Variants in RBPJ observed in about 807,000 individuals in gnomAD.
RBPJ encodes recombining binding protein suppressor of hairless.
Under a neutral mutation model 67.8 loss-of-function variants are expected in RBPJ, and 9 were observed. That is an observed-to-expected ratio of 0.13 (90% CI 0.08 to 0.23). The LOEUF is 0.23. RBPJ is among the 10% of genes least tolerant of loss of function. The pLI is 1.00. For missense variants in RBPJ, 305 were observed against 595.6 expected (o/e 0.51, Z 5.08); for synonymous variants, 198 against 203.3 (o/e 0.97, Z 0.22).
chr4:26,109,487 TATATACACACACAC>T, the RBPJ span, among the ~76,000 whole-genome samples: 5 of 60,396 alleles, frequency 8.3e-5, no homozygotes, highest in South Asian at 5.7e-4. Flanking sequence ...TATATATATA[TATATACACACACAC>T]ATATATATAT....
At chr4:26,314,107 G>C (rs1305203722) in intron 1 of RBPJ, among the ~76,000 whole-genome samples, 1 of 152,078 alleles carries the variant, frequency 6.6e-6, no homozygotes, top group East Asian at 1.9e-4. Context: ...TCCTTCCAGA[G>C]ACATTTTAGA....
At chr4:26,360,798 T>G (rs888742862) in intron 1 of RBPJ, among the ~76,000 whole-genome samples, 3 of 150,962 alleles carry the variant, frequency 2.0e-5, no homozygotes, top group Non-Finnish European at 4.4e-5. Context: ...TTAGTAGAGA[T>G]AGGGTTTCAC....
chr4:26,261,669 G>A (rs1487293328), intron 1 of RBPJ, among the ~76,000 whole-genome samples: 2 of 152,210 alleles, frequency 1.3e-5, no homozygotes, highest in African/African-American at 4.8e-5. Flanking sequence ...GTGGAATATT[G>A]TATTATACTT....
intron 1 of RBPJ, among the ~76,000 whole-genome samples, chr4:26,285,919 G>C (rs925326163): frequency 6.7e-6 from 1 of 150,290 alleles, no homozygotes; most frequent in Non-Finnish European, 1.5e-5. Flanking sequence ...AGACCAGCCT[G>C]GGCAACATAG....
intron 1 of RBPJ, chr4:26,359,827 A>G (rs1251040402): frequency 6.6e-6 from 1 of 152,226 alleles, no homozygotes; most frequent in East Asian, 1.9e-4. Flanking sequence ...AGATTATTAT[A>G]TGAGGCTGTT....
intron 1 of RBPJ, among the ~76,000 whole-genome samples, chr4:26,231,277 T>C (rs1428806512): frequency 6.6e-6 from 1 of 152,260 alleles, no homozygotes; most frequent in Non-Finnish European, 1.5e-5. Flanking sequence ...TAGCTTGAAC[T>C]GCTATCTGCA....
chr4:26,401,887 C>CTTTTTTTTTTTT (rs58935903), intron 2 of RBPJ, among the ~76,000 whole-genome samples: 1 of 129,726 alleles, frequency 7.7e-6, no homozygotes, highest in Non-Finnish European at 1.7e-5. Flanking sequence ...TTCTTTCTTT[C>CTTTTTTTTTTTT]TTTTTTTTTT....
chr4:26,403,492 C>T (rs1382028468), intron 2 of RBPJ, among the ~76,000 whole-genome samples: 1 of 152,064 alleles, frequency 6.6e-6, no homozygotes, highest in South Asian at 2.1e-4. Flanking sequence ...AGGTATTACG[C>T]CCAGTACCCA....
At chr4:26,396,438 A>C (rs945245125) in intron 2 of RBPJ, among the ~76,000 whole-genome samples, 2 of 152,272 alleles carry the variant, frequency 1.3e-5, no homozygotes, top group African/African-American at 4.8e-5. Flanking sequence ...AACCAGGATT[A>C]GAAATAGAAG....
chr4:26,320,835 A>T (rs756852858), upstream of RBPJ: 1 of 1,563,654 alleles, frequency 6.4e-7, no homozygotes, highest in South Asian at 1.2e-5. Flanking sequence ...CAGGGAAGGC[A>T]GCGAGCAGGA....
chr4:26,430,080 T>G lies in RBPJ; in HGVS notation c.1044+27T>G. Reference sequence around the variant, plus strand: ...TGAGAACGCCTAGTCCAAGTTGGCCTTCAGCTCTTTGCAGCTACTCTCAGC... The same window carrying G: ...TGAGAACGCCTAGTCCAAGTTGGCCGTCAGCTCTTTGCAGCTACTCTCAGC... On this transcript the variant is annotated intron_variant, in intron 9 of 10. Coordinates refer to ENST00000355476, the MANE Select transcript of RBPJ (RefSeq NM_015874.6). This position sits in a 1 kb window ranked among gnomAD's most constrained non-coding sequence, Gnocchi z 4.1. 5.0e-6 allele frequency: 8 copies of G among 1,613,102 alleles called. No individual in the cohort carries two copies. Among genetic ancestry groups the G allele is most frequent in the Non-Finnish European group, 6.8e-6 (8 of 1,179,372 alleles).
intron 2 of RBPJ, among the ~76,000 whole-genome samples, chr4:26,399,728 C>G (rs1470084877): frequency 1.3e-5 from 2 of 152,002 alleles, no homozygotes. Context: ...GTCTGTCGCT[C>G]AGGCTGGAGT....
rs1268909946 is a variant in RBPJ at position 26,198,261 on chromosome 4, CAA to C, written c.-167+34653_-167+34654del. Among the ~76,000 whole-genome samples the C allele has an allele frequency of 2.5e-4, 5 of 19,698 alleles. No individual in the cohort carries two copies. In the African/African-American group the frequency reaches 2.7e-3, roughly 11 times the overall value. The allele number at this position is 19,698 out of a possible 152,430, so 12.9% of individuals were successfully genotyped here. On this transcript the variant is annotated intron_variant, in intron 1 of 4. Coordinates refer to the RBPJ transcript ENST00000512351. Reference sequence around the variant, plus strand: ...AAGAGCGAAACTCCATCTCAAAAAACAAAAAAACAAAAAAACAAAAAAACAAA... The same window carrying C: ...AAGAGCGAAACTCCATCTCAAAAAACAAAAACAAAAAAACAAAAAAACAAA...
chr4:26,424,518 A>G lies in RBPJ; in HGVS notation c.634+39A>G. The G allele has an allele frequency of 6.2e-7, 1 of 1,602,718 alleles. No homozygotes were observed. The highest frequency in any genetic ancestry group is 8.5e-7 in the Non-Finnish European group (1 of 1,172,478). On this transcript the variant is annotated intron_variant, in intron 6 of 10. Transcript: ENST00000355476. The surrounding 1 kb of genome is among the most constrained non-coding windows in gnomAD (Gnocchi z 5.3). Reference sequence around the variant, plus strand: ...TGTGCATTTAATGTTTTTAGTGTGAAATTGTTAAAATCTTTTGATGAGATA... The same window carrying G: ...TGTGCATTTAATGTTTTTAGTGTGAGATTGTTAAAATCTTTTGATGAGATA...
chr4:26,415,539 A>C lies in RBPJ; in HGVS notation c.220A>C (p.Met74Leu), dbSNP rs199742986. The C allele has an allele frequency of 2.8e-5, 45 of 1,613,522 alleles. No homozygotes were observed. The highest frequency in any genetic ancestry group is 1.7e-6 in the Non-Finnish European group (2 of 1,179,658). ...GSGWKKKKEQMERDGCSEQES... is the reference protein window; with the variant it reads ...GSGWKKKKEQLERDGCSEQES... Reference sequence around the variant, plus strand: ...TGGATGGAAGAAAAAAAAAGAACAAATGGAACGCGATGGTTGTTCTGAACA... The same window carrying C: ...TGGATGGAAGAAAAAAAAAGAACAACTGGAACGCGATGGTTGTTCTGAACA... Residue 74 changes from methionine to leucine, a missense_variant, in exon 4 of 11, where the codon ATG becomes CTG. Met to Leu is a conservative substitution (Grantham distance 15, BLOSUM62 2). Around this residue, in one of 7 missense-constraint regions of RBPJ, gnomAD observed 79 missense variants for 106.2 expected, o/e 0.74. Coordinates refer to ENST00000355476, the MANE Select transcript of RBPJ (RefSeq NM_015874.6).
At chr4:26,366,993 A>G (rs1728700039) in intron 1 of RBPJ, among the ~76,000 whole-genome samples, 1 of 151,634 alleles carries the variant, frequency 6.6e-6, no homozygotes, top group Non-Finnish European at 1.5e-5. Context: ...GCATGGTGGC[A>G]GGCGCCTGTA....
intron 1 of RBPJ, among the ~76,000 whole-genome samples, chr4:26,177,502 G>C (rs146437955): frequency 6.6e-6 from 1 of 152,048 alleles, no homozygotes; most frequent in Non-Finnish European, 1.5e-5. Flanking sequence ...GCTTGAACCC[G>C]AGAGGTGGAG....
chr4:26,180,343 A>G (rs973018439), intron 1 of RBPJ, among the ~76,000 whole-genome samples: 2 of 152,086 alleles, frequency 1.3e-5, no homozygotes, highest in South Asian at 2.1e-4. Context: ...AAAAAAAAAA[A>G]AAAGAAAGAA....
chr4:26,330,931 G>T (rs1724178245), intron 1 of RBPJ, among the ~76,000 whole-genome samples: 1 of 152,092 alleles, frequency 6.6e-6, no homozygotes, highest in Admixed American at 6.6e-5. Flanking sequence ...TGACACGTGT[G>T]ATATATATTA....
Sources: gnomAD v4.1 joint callset for allele counts (sites outside exome capture counted in the v4.1 genomes callset) on GRCh38, gnomAD v4.1.1 for gene constraint, gnomAD v4.1.1 regional missense constraint, Gnocchi (gnomAD v3.1) non-coding constraint, MANE v1.5 for transcripts, NCBI Gene and HGNC (gene_info 2026-07-23, HGNC 2026-07-21) for gene names.